SIRT5: variants seen among roughly 807,000 people sequenced by gnomAD.
SIRT5 encodes the protein NAD-dependent protein deacylase sirtuin-5, mitochondrial.
SIRT5 carries 26 observed loss-of-function variants against 40.0 expected under a neutral mutation model. That is an observed-to-expected ratio of 0.65 (90% CI 0.48 to 0.90). SIRT5 has a LOEUF of 0.90. SIRT5 is among the 40% of genes least tolerant of loss of function. The probability of loss-of-function intolerance (pLI) is 0.00; values close to 1 mark genes in which losing one functional copy is unlikely to be tolerated. For synonymous variants in SIRT5, 146 were observed against 149.1 expected, an observed-to-expected ratio of 0.98 and a Z score of 0.15; for missense variants, 401 against 402.4, an observed-to-expected ratio of 1.00 and a Z score of 0.03.
At chr6:13,581,493 G>T (rs567366163) in intron 2 of SIRT5, among the ~76,000 whole-genome samples, 2 of 152,304 alleles carry the variant, frequency 1.3e-5, no homozygotes, top group East Asian at 3.9e-4. Context: ...TACTGGTGAT[G>T]TTAACTTTGA....
At chr6:13,605,083 T>G in intron 9 of SIRT5, 1 of 986,000 alleles carries the variant, frequency 1.0e-6, no homozygotes, top group Non-Finnish European at 1.2e-6. Flanking sequence ...CTGGAGCAAT[T>G]GAGAGGACTG....
chr6:13,578,429 G>C (rs538042405), intron 1 of SIRT5, among the ~76,000 whole-genome samples: 1 of 151,920 alleles, frequency 6.6e-6, no homozygotes, highest in South Asian at 2.1e-4. Context: ...GACCATCCTG[G>C]CTAACACGGT....
chr6:13,587,981 T>A (rs1025128802), intron 3 of SIRT5, among the ~76,000 whole-genome samples: 5 of 152,186 alleles, frequency 3.3e-5, no homozygotes, highest in Non-Finnish European at 7.3e-5. Context: ...AGGCTTTTTT[T>A]AATCTTCGTA....
chr6:13,583,777 A>G (rs573072562), intron 2 of SIRT5, among the ~76,000 whole-genome samples: 1 of 152,308 alleles, frequency 6.6e-6, no homozygotes, highest in East Asian at 1.9e-4. Context: ...ATTTCTAACA[A>G]GATTTCAGGT....
intron 8 of SIRT5, 143 bp from the exon 9 acceptor site, chr6:13,600,691 A>C (rs984906491): frequency 7.9e-5 from 46 of 582,146 alleles, no homozygotes; most frequent in Non-Finnish European, 1.4e-4. Flanking sequence ...TGTCCCTTGG[A>C]CACCCTGTTT....
At chr6:13,580,219 C>A (rs1372720873) in intron 2 of SIRT5, among the ~76,000 whole-genome samples, 2 of 152,200 alleles carry the variant, frequency 1.3e-5, no homozygotes, top group Non-Finnish European at 2.9e-5. Context: ...AACCTCTTCT[C>A]TTTTTGAGTG....
chr6:13,582,972 T>C (rs1312101129), intron 2 of SIRT5, among the ~76,000 whole-genome samples: 1 of 152,026 alleles, frequency 6.6e-6, no homozygotes, highest in Non-Finnish European at 1.5e-5. Context: ...TCGGGAGGCC[T>C]AGGTGGGTGG....
chr6:13,592,120 G>C (rs1562270746), intron 5 of SIRT5, among the ~76,000 whole-genome samples: 1 of 152,144 alleles, frequency 6.6e-6, no homozygotes, highest in Admixed American at 6.5e-5. Flanking sequence ...TCACTTAGCA[G>C]TTCCTCCATC....
intron 5 of SIRT5, among the ~76,000 whole-genome samples, chr6:13,592,867 C>T (rs1001520965): frequency 8.3e-6 from 1 of 120,442 alleles, no homozygotes; most frequent in African/African-American, 2.8e-5. Flanking sequence ...CCAAGGAATG[C>T]ATTTCTTATT....
rs1762282726 is a variant in SIRT5 at position 13,600,866 on chromosome 6, C to A, written c.774C>A (p.Ala258=). ...VGTSSVVYPA[A]MFAPQVAARG... ...CTTCCTCTGTGGTGTACCCAGCAGC[C>A]ATGTTTGCCCCCCAGGTGGCTGCCA... Residue 258 remains alanine, a synonymous_variant, in exon 9 of 10, where the codon GCC becomes GCA. Transcript: ENST00000606117. 6.2e-7 allele frequency: 1 copy of A among 1,613,956 alleles called. No homozygotes were observed.
At chr6:13,597,598 T>C (rs12192310) in intron 7 of SIRT5, among the ~76,000 whole-genome samples, 28,196 of 151,854 alleles carry the variant, frequency 0.19, 2,817 homozygotes, top group African/African-American at 0.24. Context: ...CAGGCTGGAG[T>C]GCAATGGTAC....
chr6:13,588,441 T>A lies in SIRT5; in HGVS notation c.226T>A (p.Tyr76Asn). 1 of 1,614,144 alleles carries A rather than the reference T, an allele frequency of 6.2e-7. No homozygotes were observed. The highest frequency in any genetic ancestry group is 1.1e-5 in the South Asian group (1 of 91,062). The change falls in exon 4 of 10, where the codon TAT becomes AAT. Residue 76 changes from tyrosine (Y) to asparagine (N), a missense_variant. Physicochemically the swap from Tyr to Asn is moderately radical, Grantham distance 143. Coordinates refer to ENST00000606117, the MANE Select transcript of SIRT5 (RefSeq NM_012241.5). Reference protein sequence around the residue: ...GVPTFRGAGGYWRKWQAQDLA... With the variant: ...GVPTFRGAGGNWRKWQAQDLA... ...TCCGACCTTCAGAGGAGCTGGAGGT[T>A]ATTGGAGAAAATGGCAAGCCCAGGT...
intron 5 of SIRT5, among the ~76,000 whole-genome samples, chr6:13,592,304 C>T (rs1410119735): frequency 1.3e-5 from 2 of 152,178 alleles, no homozygotes; most frequent in African/African-American, 2.4e-5. Flanking sequence ...TGCACAGCTG[C>T]GTGACCCTTT....
intron 3 of SIRT5, chr6:13,585,224 T>A (rs1759906221): frequency 6.6e-6 from 1 of 152,130 alleles, no homozygotes; most frequent in Non-Finnish European, 1.5e-5. Context: ...TTTACTTTTT[T>A]ATTTTTTAAA....
At chr6:13,577,073 A>G (rs1321774652) in intron 1 of SIRT5, among the ~76,000 whole-genome samples, 1 of 152,090 alleles carries the variant, frequency 6.6e-6, no homozygotes. Flanking sequence ...ATATTTTGAG[A>G]TTAGGGAGTG....
chr6:13,605,330 T>A (rs141402325), intron 9 of SIRT5: 3 of 906,272 alleles, frequency 3.3e-6, no homozygotes, highest in Non-Finnish European at 4.0e-6. Context: ...AGAGACTGGC[T>A]GGTCTGCAAA....
chr6:13,603,712 A>C (rs991741913), intron 9 of SIRT5, among the ~76,000 whole-genome samples: 1 of 152,188 alleles, frequency 6.6e-6, no homozygotes, highest in African/African-American at 2.4e-5. Flanking sequence ...ATATAGTCCT[A>C]GAAATGAAAT....
intron 9 of SIRT5, among the ~76,000 whole-genome samples, chr6:13,611,143 T>C (rs1019822339): frequency 4.7e-5 from 7 of 149,586 alleles, no homozygotes; most frequent in Non-Finnish European, 1.0e-4. Context: ...AGTGCATGGG[T>C]ATTTTTTTCT....
At position 13,604,337 on chromosome 6, in the gene SIRT5, T is replaced by C. The variant is rs1182907394; in HGVS notation, c.857+3388T>C. 4.2e-6 allele frequency: 3 copies of C among 709,514 alleles called. No homozygotes were observed. In the East Asian group the frequency reaches 8.0e-5, roughly 19 times the overall value. 44.0% of individuals were successfully genotyped at this position (709,514 alleles called of 1,614,324 possible). On this transcript the variant is annotated intron_variant, in intron 9 of 9. Transcript: ENST00000606117. ...CACTTAGCATGACTAAGCGTAGTAATACCGGAGCTAGGCAGCTCAAGCCTC... is the reference window on the plus strand; with the variant it reads ...CACTTAGCATGACTAAGCGTAGTAACACCGGAGCTAGGCAGCTCAAGCCTC...
Sources: gnomAD v4.1 joint callset for allele counts (sites outside exome capture counted in the v4.1 genomes callset) on GRCh38, gnomAD v4.1.1 for gene constraint, MANE v1.5 for transcripts, NCBI Gene and HGNC (gene_info 2026-07-23, HGNC 2026-07-21) for gene names.